The following NHP2 variants were observed in gnomAD, a reference collection of about 807,000 sequenced individuals.
The protein encoded by NHP2 is H/ACA ribonucleoprotein complex subunit 2.
NHP2 carries 10 observed loss-of-function variants against 16.7 expected under a neutral mutation model. The observed-to-expected ratio is 0.60, with a 90% CI of 0.37 to 1.01. NHP2 has a LOEUF of 1.01. Ranked by LOEUF, NHP2 falls within the 50% of genes least tolerant of loss-of-function variation. The pLI is 0.01. For synonymous variants in NHP2, 87 were observed against 78.9 expected (o/e 1.10, Z -0.54); for missense variants, 184 against 198.3 (o/e 0.93, Z 0.43).
At chr5:178,153,347 T>G in intron 2 of NHP2, 144 bp downstream of exon 2, 1 of 797,346 alleles carries the variant, frequency 1.3e-6, no homozygotes, top group South Asian at 1.4e-5. Flanking sequence ...ACCGGTATTG[T>G]ACCAAAGGGA....
chr5:178,151,407 A>G (rs1206217534), intron 2 of NHP2, among the ~76,000 whole-genome samples: 1 of 152,174 alleles, frequency 6.6e-6, no homozygotes, highest in African/African-American at 2.4e-5. Context: ...GTACCAGGCT[A>G]AGAAGCATGG....
chr5:178,150,291 A>T (rs760829686), intron 3 of NHP2: 7 of 223,628 alleles, frequency 3.1e-5, no homozygotes, highest in Non-Finnish European at 4.6e-5. Flanking sequence ...GGTTCTTACC[A>T]TCAGGCCAAA....
chr5:178,153,506 T>C lies in NHP2; in HGVS notation c.215A>G (p.Asn72Ser), dbSNP rs1756325870. Residue 72 changes from asparagine to serine, a missense_variant, in exon 2 of 4, where the codon AAC becomes AGC. By Grantham distance (46) the Asn-to-Ser change is conservative (BLOSUM62 1). Coordinates refer to ENST00000274606, the MANE Select transcript of NHP2 (RefSeq NM_017838.4). ...RGVKEVQKFV[N>S]KGEKGIMVLA... ...AGGTTCTTACCCTTTTTCTCCTTTG[T>C]TGACAAATTTCTGAACCTCTTTCAC... The C allele has an allele frequency of 1.9e-6, 3 of 1,614,048 alleles. No homozygotes were observed. Among genetic ancestry groups the C allele is most frequent in the Non-Finnish European group, 2.5e-6 (3 of 1,180,012 alleles).
At chr5:178,153,392 G>A (rs1756321966) in intron 2 of NHP2, 99 bp downstream of exon 2, 1 of 1,220,582 alleles carries the variant, frequency 8.2e-7, no homozygotes, top group African/African-American at 1.5e-5. Flanking sequence ...CTGTATATGG[G>A]GCTAGGTCAG....
intron 2 of NHP2, 24 bp from the exon 3 acceptor site, chr5:178,151,017 A>G (rs1269871444): frequency 1.9e-6 from 3 of 1,582,520 alleles, no homozygotes; most frequent in African/African-American, 1.3e-5. Flanking sequence ...AAACACTGTC[A>G]TCTCTGGCTT....
At chr5:178,152,928 A>C (rs1407829632) in intron 2 of NHP2, among the ~76,000 whole-genome samples, 2 of 152,174 alleles carry the variant, frequency 1.3e-5, no homozygotes, top group Non-Finnish European at 2.9e-5. Context: ...TGTCTCTGCA[A>C]AACAACAATA....
chr5:178,150,041 A>G (rs940397808), intron 3 of NHP2: 15 of 509,304 alleles, frequency 2.9e-5, no homozygotes, highest in African/African-American at 1.6e-4. Context: ...CACAGGGCCT[A>G]CATTCCCACA....
In NHP2 at chr5:178,153,654, T is replaced by C. The variant is rs1419452406; in HGVS notation, c.160+4A>G. The C allele has an allele frequency of 3.1e-6, 5 of 1,613,464 alleles. No homozygotes were observed. Among genetic ancestry groups the C allele is most frequent in the East Asian group, 2.2e-5 (1 of 44,856 alleles). On this transcript the variant is annotated splice_donor_region_variant and intron_variant, in intron 1 of 3. Coordinates refer to ENST00000274606, the MANE Select transcript of NHP2 (RefSeq NM_017838.4). ...CATCCCGGCCACGCCGCCGTCCGCC[T>C]CACCTTTCTTGATGCATTTGTAGAG... is the stretch of plus-strand genomic sequence containing the variant.
chr5:178,152,812 C>T (rs1444382408), intron 2 of NHP2, among the ~76,000 whole-genome samples: 2 of 152,190 alleles, frequency 1.3e-5, no homozygotes, highest in African/African-American at 2.4e-5. Context: ...GGCTGCCAGG[C>T]GCGGTGGCTC....
intron 3 of NHP2, chr5:178,150,280 T>C (rs1186139674): frequency 4.5e-6 from 1 of 222,560 alleles, no homozygotes; most frequent in Non-Finnish European, 9.1e-6. Context: ...ACTGACTATT[T>C]GGTTCTTACC....
Position 178,150,939 on chromosome 5 carries a change from T to TGGGGG in NHP2, c.284_285insCCCCC (p.Val96ProfsTer33). ...GCAAATTTCGGTCCTCACACATGAC[T>TGGGGG]GGGAGATGGCAGTATACCTCAATGG... is the stretch of plus-strand genomic sequence containing the variant. On this transcript the variant is annotated frameshift_variant, in exon 3 of 4. Coordinates refer to ENST00000274606, the MANE Select transcript of NHP2 (RefSeq NM_017838.4). LOFTEE classifies it high-confidence loss of function. The TGGGGG allele has an allele frequency of 6.2e-7, 1 of 1,614,154 alleles. No individual in the cohort carries two copies. Among genetic ancestry groups the TGGGGG allele is most frequent in the East Asian group, 2.2e-5 (1 of 44,876 alleles).
chr5:178,149,926 C>A (rs923917503), intron 3 of NHP2, 88 bp from the exon 4 acceptor site: 11 of 1,439,138 alleles, frequency 7.6e-6, no homozygotes, highest in South Asian at 1.2e-5. Flanking sequence ...CCAGCCTAAT[C>A]TGGCCCACAA....
intron 2 of NHP2, among the ~76,000 whole-genome samples, chr5:178,151,931 G>T (rs1302538335): frequency 6.6e-6 from 1 of 152,016 alleles, no homozygotes; most frequent in African/African-American, 2.4e-5. Context: ...ACCCAAATTT[G>T]TGATCTTTCT....
Position 178,153,713 on chromosome 5 carries a change from C to T in NHP2, c.105G>A (p.Ala35=), listed in dbSNP as rs373176167. Residue 35 remains alanine, a synonymous_variant, in exon 1 of 4, where the codon GCG becomes GCA. Transcript: ENST00000274606. ...QELLVNQNPI[A]QPLASRRLTR... The stretch of plus-strand genomic sequence containing the variant: ...TGAGGCGGCGAGAAGCCAGGGGCTG[C>T]GCGATGGGGTTCTGGTTGACCAGCA... 8.5e-5 allele frequency: 137 copies of T among 1,613,894 alleles called. No individual in the cohort carries two copies. The highest frequency in any genetic ancestry group is 1.1e-4 in the Non-Finnish European group (131 of 1,179,970).
intron 3 of NHP2, 162 bp downstream of exon 3, chr5:178,150,726 A>T: frequency 1.3e-6 from 1 of 764,690 alleles, no homozygotes; most frequent in East Asian, 2.4e-5. Context: ...TGCAAGAAGT[A>T]ACATATCTGT....
At chr5:178,152,294 C>T (rs923244297) in intron 2 of NHP2, among the ~76,000 whole-genome samples, 2 of 152,164 alleles carry the variant, frequency 1.3e-5, no homozygotes, top group African/African-American at 4.8e-5. Flanking sequence ...CTACAAGGCC[C>T]CCTAAGAAGG....
chr5:178,150,199 T>A (rs1189074285), intron 3 of NHP2: 1 of 230,666 alleles, frequency 4.3e-6, no homozygotes, highest in African/African-American at 2.3e-5. Context: ...CGGACTAACA[T>A]GGGTGAAGCA....
Position 178,149,479 on chromosome 5 carries a change from T to A in NHP2, c.*234A>T, listed in dbSNP as rs1756202387. ...CTCACCACATTTTAGTCTTAGCATT[T>A]ACTTTCCCCACCCCACATTCTTGGA... On this transcript the variant is annotated 3_prime_UTR_variant, in exon 4 of 4. Transcript: ENST00000274606. The A allele has an allele frequency of 1.9e-6, 1 of 518,818 alleles. No individual in the cohort carries two copies. Among genetic ancestry groups the A allele is most frequent in the Admixed American group, 3.3e-5 (1 of 30,360 alleles). The allele number at this position is 518,818 out of a possible 1,614,324, so 32.1% of individuals were successfully genotyped here.
chr5:178,152,773 G>A (rs1756310361), intron 2 of NHP2, among the ~76,000 whole-genome samples: 1 of 152,174 alleles, frequency 6.6e-6, no homozygotes, highest in Non-Finnish European at 1.5e-5. Flanking sequence ...ATAACACAGT[G>A]CCTGAAAAAG....
Sources: allele counts gnomAD v4.1 joint callset (sites outside exome capture counted in the v4.1 genomes callset), GRCh38; gene constraint gnomAD v4.1.1; transcripts MANE v1.5; gene names NCBI Gene and HGNC (gene_info 2026-07-23, HGNC 2026-07-21).